Variants in ARAP2 observed in about 807,000 individuals in gnomAD.
ARAP2 encodes arf-GAP with Rho-GAP domain, ANK repeat and PH domain-containing protein 2.
A neutral mutation model predicts 194.5 loss-of-function variants in ARAP2; 148 were observed. The observed-to-expected ratio is 0.76, with a 90% CI of 0.67 to 0.87. The LOEUF (loss-of-function observed/expected upper bound fraction) is 0.87. ARAP2 is among the 40% of genes least tolerant of loss of function. The pLI is 0.00. For missense variants in ARAP2, 2,128 were observed against 1,989.7 expected (o/e 1.07, Z -1.32); for synonymous variants, 695 against 683.5 (o/e 1.02, Z -0.26).
At chr4:36,035,847 T>C (rs1719818208) in intron 5 of ARAP2, among the ~76,000 whole-genome samples, 1 of 152,202 alleles carries the variant, frequency 6.6e-6, no homozygotes, top group Non-Finnish European at 1.5e-5. Flanking sequence ...TCAAAACGTT[T>C]TTCCATATGT....
chr4:36,105,172 T>A (rs1005167670), intron 27 of ARAP2, among the ~76,000 whole-genome samples: 1 of 151,862 alleles, frequency 6.6e-6, no homozygotes, highest in Admixed American at 6.6e-5. Context: ...ATACAAAAAA[T>A]AGACAGGCAT....
intron 19 of ARAP2, among the ~76,000 whole-genome samples, chr4:36,139,602 G>A (rs1165113664): frequency 2.0e-5 from 3 of 151,424 alleles, no homozygotes; most frequent in African/African-American, 4.8e-5. Context: ...AGATTTTTAA[G>A]GTAAAAGTTT....
At chr4:36,233,461 GTTC>G (rs1751895399) in intron 1 of ARAP2, among the ~76,000 whole-genome samples, 1 of 152,144 alleles carries the variant, frequency 6.6e-6, no homozygotes, top group Admixed American at 6.6e-5. Flanking sequence ...ACAGTCCTAA[GTTC>G]TTGAGGCTTC....
intron 19 of ARAP2, among the ~76,000 whole-genome samples, chr4:36,144,677 C>T (rs1316617156): frequency 6.6e-6 from 1 of 151,842 alleles, no homozygotes; most frequent in Non-Finnish European, 1.5e-5. Flanking sequence ...CAGATAACCA[C>T]TGAAAGTCAT....
In ARAP2 at chr4:36,230,534, G is replaced by A. The variant is rs186513829; in HGVS notation, c.-159-889C>T. Reference sequence around the variant, plus strand: ...TATGAAAGGTCACATGTCCTCCAATGTACATAGCAGATTCATAAAGGTTTA... The same window carrying A: ...TATGAAAGGTCACATGTCCTCCAATATACATAGCAGATTCATAAAGGTTTA... On this transcript the variant is annotated intron_variant, in intron 1 of 32. Coordinates refer to ENST00000303965, the MANE Select transcript of ARAP2 (RefSeq NM_015230.4). Among the ~76,000 whole-genome samples, 14 of 152,236 alleles carry A rather than the reference G, an allele frequency of 9.2e-5. No individual in the cohort carries two copies. In the East Asian group the frequency reaches 1.2e-3, roughly 13 times the overall value.
Position 36,229,374 on chromosome 4 carries a change from C to T in ARAP2, c.113G>A (p.Cys38Tyr), listed in dbSNP as rs1291798474. ...HESGFTTVKD[C>Y]AAINDSLLQK... Reference sequence around the variant, plus strand: ...CAGCAGGCTGTCATTTATTGCTGCACAGTCCTTCACAGTAGTAAAACCAGA... The same window carrying T: ...CAGCAGGCTGTCATTTATTGCTGCATAGTCCTTCACAGTAGTAAAACCAGA... Residue 38 changes from cysteine to tyrosine, a missense_variant, in exon 2 of 33, where the codon TGT (cysteine) becomes TAT (tyrosine). Coordinates refer to ENST00000303965, the MANE Select transcript of ARAP2 (RefSeq NM_015230.4). The T allele has an allele frequency of 3.7e-6, 6 of 1,613,946 alleles. No individual in the cohort carries two copies. The highest frequency in any genetic ancestry group is 1.1e-5 in the South Asian group (1 of 91,084).
chr4:36,164,526 CAA>C (rs1216652701), intron 11 of ARAP2, among the ~76,000 whole-genome samples: 2 of 152,046 alleles, frequency 1.3e-5, no homozygotes, highest in Non-Finnish European at 2.9e-5. Context: ...GTTTAGTGCT[CAA>C]AACAACACTG....
chr4:36,084,410 T>C (rs1049722103), intron 28 of ARAP2, among the ~76,000 whole-genome samples: 1 of 152,122 alleles, frequency 6.6e-6, no homozygotes, highest in Admixed American at 6.6e-5. Flanking sequence ...AAAGGCTATA[T>C]ATATCTTCGT....
At chr4:36,033,658 C>G (rs1265813260) in intron 5 of ARAP2, among the ~76,000 whole-genome samples, 1 of 151,956 alleles carries the variant, frequency 6.6e-6, no homozygotes, top group Non-Finnish European at 1.5e-5. Context: ...TTAATTACAT[C>G]CCATTTTTAA....
At chr4:36,061,199 T>A (rs2057275913), downstream of ARAP2, among the ~76,000 whole-genome samples, 1 of 152,202 alleles carries the variant, frequency 6.6e-6, no homozygotes, top group South Asian at 2.1e-4. Flanking sequence ...CTCAAGTACT[T>A]TTGTGTTAAA....
intron 7 of ARAP2, among the ~76,000 whole-genome samples, chr4:36,188,014 G>A (rs1056214227): frequency 2.0e-5 from 3 of 151,980 alleles, no homozygotes; most frequent in African/African-American, 4.8e-5. Context: ...AACACATATC[G>A]GGTTTTCTAA....
At chr4:36,151,265 AAATGACTGTGACATTGAT>A (rs1192212645) in intron 15 of ARAP2, among the ~76,000 whole-genome samples, 3 of 152,242 alleles carry the variant, frequency 2.0e-5, no homozygotes, top group Non-Finnish European at 4.4e-5. Context: ...TACAAAACAA[AAATGACTGTGACATTGAT>A]AACCAGAGAA....
chr4:36,024,881 A>G (rs1017164559), intron 5 of ARAP2, among the ~76,000 whole-genome samples: 2 of 152,186 alleles, frequency 1.3e-5, no homozygotes, highest in Non-Finnish European at 2.9e-5. Context: ...CTGTTATTAC[A>G]GGCAAAATTA....
rs1386642469 is a variant in ARAP2 at position 36,066,956 on chromosome 4, T to C, written c.*951A>G. ...CAACCTTAATAATAATTTAAAAAAA[T>C]CTAAAAATCAAACAAAACAACAGGA... On this transcript the variant is annotated 3_prime_UTR_variant, in exon 33 of 33. Coordinates refer to ENST00000303965, the MANE Select transcript of ARAP2 (RefSeq NM_015230.4). The C allele has an allele frequency of 1.3e-5, 2 of 152,116 alleles. No individual in the cohort carries two copies. The highest frequency in any genetic ancestry group is 2.9e-5 in the Non-Finnish European group (2 of 68,010). 9.4% of individuals were successfully genotyped at this position (152,116 alleles called of 1,614,324 possible). A position where few individuals can be genotyped will look rare whatever the true frequency, so the allele number is the denominator to read the frequency against.
chr4:36,014,326 GAAAGAAAGAAAGAA>G (rs1560265205), intron 8 of ARAP2, among the ~76,000 whole-genome samples: 19 of 40,228 alleles, frequency 4.7e-4, no homozygotes, highest in Admixed American at 2.2e-3. Flanking sequence ...AAGAAAGAGA[GAAAGAAAGAAAGAA>G]AGAAAGAAAG....
At position 36,033,478 on chromosome 4, in the gene ARAP2, A is replaced by G. The variant is rs145186058; in HGVS notation, n.607+12501T>C. ...AAGTGTCTGTTCATGTCCTTTGCCA[A>G]CTTTTCAATGGGGTCGTTTTTTTTT... On this transcript the variant is annotated intron_variant and non_coding_transcript_variant, in intron 5 of 12. Transcript: ENST00000503225. Among the ~76,000 whole-genome samples the G allele has an allele frequency of 8.4e-4, 111 of 131,446 alleles. 3 individuals carry two copies. The Middle Eastern group carries it at 0.02, about 24-fold the overall frequency. 86.2% of individuals were successfully genotyped at this position (131,446 alleles called of 152,430 possible). A position where few individuals can be genotyped will look rare whatever the true frequency, so the allele number is the denominator to read the frequency against.
At chr4:36,199,098 C>G (rs1294210247) in intron 6 of ARAP2, among the ~76,000 whole-genome samples, 1 of 152,248 alleles carries the variant, frequency 6.6e-6, no homozygotes, top group Non-Finnish European at 1.5e-5. Context: ...TTGTCCTTGG[C>G]TCACGCCATC....
chr4:36,023,559 G>A (rs115205981), intron 5 of ARAP2, among the ~76,000 whole-genome samples: 4,501 of 152,106 alleles, frequency 0.03, 121 homozygotes, highest in Middle Eastern at 0.075. Flanking sequence ...TGTGAGATTA[G>A]AGATGTCAAC....
chr4:36,114,138 A>G, intron 26 of ARAP2, 32 bp downstream of exon 26: 1 of 1,393,694 alleles, frequency 7.2e-7, no homozygotes, highest in South Asian at 1.2e-5. Context: ...AGTATAAGTA[A>G]TTTAAGAATC....
Sources: allele counts gnomAD v4.1 joint callset (sites outside exome capture counted in the v4.1 genomes callset), GRCh38; gene constraint gnomAD v4.1.1; transcripts MANE v1.5; gene names NCBI Gene and HGNC (gene_info 2026-07-23, HGNC 2026-07-21).